RBM46: variants seen among roughly 807,000 people sequenced by gnomAD.
RBM46 encodes RNA binding motif protein 46.
In RBM46, 12 loss-of-function variants were observed where a neutral mutation model predicts 43.3. The observed-to-expected ratio is 0.28, with a 90% CI of 0.18 to 0.45. The LOEUF is 0.45. Ranked by LOEUF, RBM46 falls within the 20% of genes least tolerant of loss-of-function variation. The pLI is 1.00. For missense variants in RBM46, 412 were observed against 639.1 expected, an observed-to-expected ratio of 0.64 and a Z score of 3.83; for synonymous variants, 205 against 207.6, an observed-to-expected ratio of 0.99 and a Z score of 0.11.
rs1435971779 is a variant in RBM46, at chr4:154,798,269, C to T, written c.610C>T (p.Leu204=). 6.4e-7 allele frequency: 1 copy of T among 1,570,422 alleles called. No individual in the cohort carries two copies. The highest frequency in any genetic ancestry group is 1.2e-5 in the South Asian group (1 of 82,944). ...AGCTGCTGCTATGGCAAGGAGGAAA[C>T]TAATTCCAGGTAAACTGAAAGGTTG... ...HRAAAMARRK[L]IPGTFQLWGH... is the part of the protein sequence containing the mutation. Residue 204 remains leucine (L), a synonymous_variant, in exon 3 of 5, where the codon CTA becomes TTA. Transcript: ENST00000281722.
At chr4:154,789,602 C>T (rs1395348813) in intron 1 of RBM46, among the ~76,000 whole-genome samples, 2 of 152,124 alleles carry the variant, frequency 1.3e-5, no homozygotes, top group African/African-American at 2.4e-5. Flanking sequence ...ATTTTTGCAT[C>T]AGTGTTCATC....
At chr4:154,827,656 G>T in intron 4 of RBM46, 1 of 1,356,812 alleles carries the variant, frequency 7.4e-7, no homozygotes, top group Non-Finnish European at 9.4e-7. Context: ...GAAACATTGC[G>T]TGAGTAAAGG....
In RBM46 at chr4:154,822,525, C is replaced by G. The variant is rs17032077; in HGVS notation, c.1403-5343C>G. ...TGATATTTTAATCTCTGTGTTTGAACCCTGCCATATTTTATGTTCTAGGAA... is the reference window on the plus strand; with the variant it reads ...TGATATTTTAATCTCTGTGTTTGAAGCCTGCCATATTTTATGTTCTAGGAA... On this transcript the variant is annotated intron_variant, in intron 4 of 4. Transcript: ENST00000281722. Among the ~76,000 whole-genome samples, 752 of 151,232 alleles carry G rather than the reference C, an allele frequency of 5.0e-3. 28 individuals are homozygous for G. In the East Asian group the frequency reaches 0.11, roughly 22 times the overall value.
intron 1 of RBM46, among the ~76,000 whole-genome samples, chr4:154,796,303 A>C (rs1329089096): frequency 1.3e-5 from 2 of 152,214 alleles, no homozygotes; most frequent in Admixed American, 6.5e-5. Context: ...TTGGGGTGCC[A>C]TTTATTGGTT....
At chr4:154,827,080 TA>T in intron 4 of RBM46, 1 of 1,131,170 alleles carries the variant, frequency 8.8e-7, no homozygotes. Flanking sequence ...TGGTCTGTAA[TA>T]TACACACACA....
At chr4:154,827,408 T>C (rs1364214856) in intron 4 of RBM46, 1 of 987,998 alleles carries the variant, frequency 1.0e-6, no homozygotes, top group African/African-American at 1.7e-5. Flanking sequence ...TTATACCAAA[T>C]GTTTTTGCAG....
intron 4 of RBM46, among the ~76,000 whole-genome samples, chr4:154,804,450 T>C (rs535523557): frequency 2.7e-4 from 41 of 152,322 alleles, no homozygotes; most frequent in African/African-American, 9.4e-4. Flanking sequence ...GTATTGCCAC[T>C]GCTTTTCTTT....
At chr4:154,787,072 T>G (rs1733811504) in intron 1 of RBM46, 1 of 152,232 alleles carries the variant, frequency 6.6e-6, no homozygotes. Flanking sequence ...TCTCTGGAGA[T>G]AGATCTTTAT....
chr4:154,801,913 A>G (rs899538862), intron 4 of RBM46, among the ~76,000 whole-genome samples: 1 of 152,344 alleles, frequency 6.6e-6, no homozygotes, highest in African/African-American at 2.4e-5. Context: ...TCAGTAAATG[A>G]AATCCTTAGT....
In RBM46 at chr4:154,798,372, CACTT is replaced by C. The variant is rs544831980; in HGVS notation, c.619+96_619+99del. On this transcript the variant is annotated intron_variant, in intron 3 of 4. Coordinates refer to ENST00000281722, the MANE Select transcript of RBM46 (RefSeq NM_144979.5). ...ATCAATATTATCAAAATACTAATGT[CACTT>C]AAAGAAGAGTAAAGAATTGTTTGAG... 6.7e-4 allele frequency: 503 copies of C among 756,318 alleles called. 2 individuals carry two copies. Among genetic ancestry groups the C allele is most frequent in the African/African-American group, 5.6e-3 (317 of 56,318 alleles). 46.9% of individuals were successfully genotyped at this position (756,318 alleles called of 1,614,324 possible).
intron 4 of RBM46, among the ~76,000 whole-genome samples, chr4:154,814,953 C>T (rs1735355938): frequency 6.6e-6 from 1 of 151,762 alleles, no homozygotes; most frequent in Non-Finnish European, 1.5e-5. Context: ...GTATAACTCA[C>T]CACCGAGGTA....
rs188005337 is a variant in RBM46, at chr4:154,828,189, C to T, written c.*122C>T. On this transcript the variant is annotated 3_prime_UTR_variant, in exon 5 of 5. Transcript: ENST00000281722. ...TTTGGTTTTAAAAAGGTATTTATTC[C>T]AAAGTACTAAACATCAGCTATAATT... 8.5e-6 allele frequency: 6 copies of T among 703,082 alleles called. No individual in the cohort carries two copies. The highest frequency in any genetic ancestry group is 1.5e-5 in the Non-Finnish European group (6 of 409,216). The allele number at this position is 703,082 out of a possible 1,614,324, so 43.6% of individuals were successfully genotyped here. A position where few individuals can be genotyped will look rare whatever the true frequency, so the allele number is the denominator to read the frequency against.
At chr4:154,825,418 T>C (rs149841369) in intron 4 of RBM46, among the ~76,000 whole-genome samples, 12 of 152,302 alleles carry the variant, frequency 7.9e-5, no homozygotes, top group African/African-American at 2.9e-4. Flanking sequence ...TCCAACCAGC[T>C]AGATGTCTTC....
At position 154,796,802 on chromosome 4, in the gene RBM46, C is replaced by G. The variant is rs1181946297; in HGVS notation, c.50C>G (p.Thr17Ser). Residue 17 changes from threonine to serine, a missense_variant, in exon 2 of 5, where the codon ACT becomes AGT. Thr to Ser is a moderately conservative substitution (Grantham distance 58, BLOSUM62 1). Around this residue, in one of 8 missense-constraint regions of RBM46, gnomAD observed 23 missense variants for 22.9 expected, o/e 1.00. Transcript: ENST00000281722. Reference sequence around the variant, plus strand: ...ACAAATGGATGCAGTAAAGTTCGAACTGGTATTCAGAATGAAGCAGCATTA... The same window carrying G: ...ACAAATGGATGCAGTAAAGTTCGAAGTGGTATTCAGAATGAAGCAGCATTA... ...DGTNGCSKVRTGIQNEAALLA... is the reference protein window; with the variant it reads ...DGTNGCSKVRSGIQNEAALLA... 6.2e-7 allele frequency: 1 copy of G among 1,613,186 alleles called. No homozygotes were observed. Among genetic ancestry groups the G allele is most frequent in the Non-Finnish European group, 8.5e-7 (1 of 1,179,400 alleles).
intron 4 of RBM46, among the ~76,000 whole-genome samples, chr4:154,820,870 T>G (rs1335962363): frequency 1.3e-5 from 2 of 151,846 alleles, no homozygotes; most frequent in Admixed American, 1.3e-4. Context: ...GAAGATAAGT[T>G]TTAGTAGGAA....
At chr4:154,813,234 A>AC (rs1228653708) in intron 4 of RBM46, among the ~76,000 whole-genome samples, 1 of 152,186 alleles carries the variant, frequency 6.6e-6, no homozygotes, top group Non-Finnish European at 1.5e-5. Flanking sequence ...ACAGGTATAA[A>AC]CACAGGCATG....
chr4:154,793,193 C>T (rs1340693258), intron 1 of RBM46, among the ~76,000 whole-genome samples: 2 of 152,132 alleles, frequency 1.3e-5, no homozygotes, highest in Non-Finnish European at 2.9e-5. Flanking sequence ...ACATGCAAAT[C>T]TATGATATTC....
At chr4:154,816,708 C>T (rs958540910) in intron 4 of RBM46, among the ~76,000 whole-genome samples, 1 of 151,754 alleles carries the variant, frequency 6.6e-6, no homozygotes, top group Non-Finnish European at 1.5e-5. Flanking sequence ...CCTTACTGCA[C>T]TGGCTAGAAC....
At chr4:154,794,382 G>T (rs1354343669) in intron 1 of RBM46, among the ~76,000 whole-genome samples, 1 of 151,764 alleles carries the variant, frequency 6.6e-6, no homozygotes, top group East Asian at 1.9e-4. Flanking sequence ...GGGTTTCACC[G>T]TGTTAGCCAG....
Sources: allele counts gnomAD v4.1 joint callset (sites outside exome capture counted in the v4.1 genomes callset), GRCh38; gene constraint gnomAD v4.1.1; regional missense constraint gnomAD v4.1.1; transcripts MANE v1.5; gene names NCBI Gene and HGNC (gene_info 2026-07-23, HGNC 2026-07-21).